LATS1: variants seen among roughly 807,000 people sequenced by gnomAD.
LATS1 encodes large tumor suppressor kinase 1.
LATS1 carries 25 observed loss-of-function variants against 106.6 expected under a neutral mutation model. The ratio of observed to expected loss-of-function variants is 0.23; its 90% CI spans 0.17 to 0.33. The LOEUF (loss-of-function observed/expected upper bound fraction) is 0.33. Among genes scored for constraint, LATS1 ranks in the 10% least tolerant of loss-of-function variants. The pLI is 1.00. For missense variants in LATS1, 1,040 were observed against 1,382.6 expected, an observed-to-expected ratio of 0.75 and a Z score of 3.93; for synonymous variants, 465 against 455.6, an observed-to-expected ratio of 1.02 and a Z score of -0.26.
At chr6:149,717,219 T>C (rs2115045262) in intron 1 of LATS1, among the ~76,000 whole-genome samples, 1 of 152,338 alleles carries the variant, frequency 6.6e-6, no homozygotes, top group Non-Finnish European at 1.5e-5. Context: ...TGGGGATAAA[T>C]CAAGTCATCT....
At chr6:149,687,015 C>A (rs139292762) in intron 3 of LATS1, among the ~76,000 whole-genome samples, 295 of 152,292 alleles carry the variant, frequency 1.9e-3, no homozygotes, top group African/African-American at 7.0e-3. Context: ...CAGACCACAA[C>A]TACTTCTTCT....
At chr6:149,690,666 C>T (rs1247608052) in intron 3 of LATS1, among the ~76,000 whole-genome samples, 1 of 152,056 alleles carries the variant, frequency 6.6e-6, no homozygotes, top group Non-Finnish European at 1.5e-5. Flanking sequence ...CCCAACTCAG[C>T]CTCCTGAGTA....
At chr6:149,712,031 T>C (rs1784133067) in intron 1 of LATS1, among the ~76,000 whole-genome samples, 1 of 152,112 alleles carries the variant, frequency 6.6e-6, no homozygotes, top group African/African-American at 2.4e-5. Flanking sequence ...CACAGGTCCC[T>C]GGACCAAGAG....
chr6:149,702,408 C>T (rs989493577), intron 1 of LATS1, 142 bp from the exon 2 acceptor site: 1 of 274,976 alleles, frequency 3.6e-6, no homozygotes, highest in African/African-American at 2.2e-5. Flanking sequence ...GGGTTCAGGA[C>T]AAGTTACTTA....
chr6:149,684,225 G>C lies in LATS1; in HGVS notation c.864C>G (p.Ile288Met). The C allele has an allele frequency of 6.2e-7, 1 of 1,614,174 alleles. No individual in the cohort carries two copies. The highest frequency in any genetic ancestry group is 8.5e-7 in the Non-Finnish European group (1 of 1,180,026). ...SGNMEYVISRISPVPPGAWQE... is the reference protein window; with the variant it reads ...SGNMEYVISRMSPVPPGAWQE... ...GCCATGCCCCAGGTGGGACAGGAGA[G>C]ATTCGGGAGATTACGTATTCCATGT... Residue 288 changes from isoleucine (I) to methionine (M), a missense_variant, in exon 4 of 8, where the codon ATC becomes ATG. Ile to Met is a conservative substitution (Grantham distance 10, BLOSUM62 1). Transcript: ENST00000543571.
chr6:149,702,735 G>C (rs192972469), intron 1 of LATS1, among the ~76,000 whole-genome samples: 7 of 151,962 alleles, frequency 4.6e-5, no homozygotes, highest in African/African-American at 1.7e-4. Flanking sequence ...GCAGTGGTGC[G>C]ATCTTGCCTC....
In LATS1 at chr6:149,683,841, A is replaced by G. The variant is rs1166901077; in HGVS notation, c.1248T>C (p.Ser416=). 3 of 1,614,076 alleles carry G rather than the reference A, an allele frequency of 1.9e-6. No homozygotes were observed. The highest frequency in any genetic ancestry group is 2.5e-6 in the Non-Finnish European group (3 of 1,180,030). The change falls in exon 4 of 8, where the codon AGT becomes AGC. Residue 416 remains serine (S), a synonymous_variant. Transcript: ENST00000543571. ...PQSMMVPNRN[S]HNMELYNISV... ...TAATGTTATATAGTTCCATGTTATG[A>G]CTATTTCTGTTTGGCACCATCATAG...
At chr6:149,685,502 C>T (rs1782322070) in intron 3 of LATS1, among the ~76,000 whole-genome samples, 1 of 152,146 alleles carries the variant, frequency 6.6e-6, no homozygotes, top group Non-Finnish European at 1.5e-5. Flanking sequence ...TCTCCTTCCT[C>T]AGCCTCCTGA....
chr6:149,691,306 C>G (rs1265618169), intron 3 of LATS1, among the ~76,000 whole-genome samples: 3 of 152,162 alleles, frequency 2.0e-5, no homozygotes, highest in Non-Finnish European at 4.4e-5. Flanking sequence ...CGGCCGCCAT[C>G]TGCAAGCCAA....
intron 7 of LATS1, among the ~76,000 whole-genome samples, chr6:149,667,167 T>G (rs1582841137): frequency 6.6e-6 from 1 of 150,988 alleles, no homozygotes; most frequent in Admixed American, 6.6e-5. Flanking sequence ...TGCACGGTGG[T>G]GTCACTCCTG....
At chr6:149,678,205 G>A (rs1379108722) in intron 5 of LATS1, among the ~76,000 whole-genome samples, 1 of 147,754 alleles carries the variant, frequency 6.8e-6, no homozygotes, top group African/African-American at 2.5e-5. Flanking sequence ...ATAGCCGGGC[G>A]TGGTTGCCGG....
rs1281502486 is a variant in LATS1, at chr6:149,684,266, T to C, written c.823A>G (p.Lys275Glu). 1 of 1,613,652 alleles carries C rather than the reference T, an allele frequency of 6.2e-7. No homozygotes were observed. Among genetic ancestry groups the C allele is most frequent in the East Asian group, 2.2e-5 (1 of 44,854 alleles). The change falls in exon 4 of 8, where the codon AAG becomes GAG. Residue 275 changes from lysine to glutamate, a missense_variant. Physicochemically the swap from Lys to Glu is moderately conservative, Grantham distance 56. This residue lies in a region of LATS1 where 624 missense variants were observed against 714.8 expected (regional missense o/e 0.87). Transcript: ENST00000543571. ...TATTCCATGTTTCCAGAATAGCGCT[T>C]TGTTTGAGAGTTTGGTTCCCATGAA... ...PPSWEPNSQT[K>E]RYSGNMEYVI...
rs201658758 is a variant in LATS1 at position 149,683,158 on chromosome 6, T to G, written c.1931A>C (p.Glu644Ala). Residue 644 changes from glutamate (E) to alanine (A), a missense_variant, in exon 4 of 8, where the codon GAG becomes GCG. By Grantham distance (107) the Glu-to-Ala change is moderately radical (BLOSUM62 -1). Around this residue, in one of 7 missense-constraint regions of LATS1, gnomAD observed 167 missense variants for 332.1 expected, o/e 0.50. Transcript: ENST00000543571. ...TTTGAGTACATTTTCTACATGTTGC[T>G]CCATAAAGAATTTAAATGCTTGAGG... ...YSPQAFKFFM[E>A]QHVENVLKSH... 6.2e-7 allele frequency: 1 copy of G among 1,613,344 alleles called. No individual in the cohort carries two copies. The highest frequency in any genetic ancestry group is 1.7e-5 in the Admixed American group (1 of 60,016).
At chr6:149,662,877 G>A (rs1442409038) in intron 7 of LATS1, among the ~76,000 whole-genome samples, 1 of 150,288 alleles carries the variant, frequency 6.7e-6, no homozygotes, top group Admixed American at 6.7e-5. Context: ...GAAGCAGAAG[G>A]ATTCCTGGAG....
intron 3 of LATS1, among the ~76,000 whole-genome samples, chr6:149,689,457 G>A (rs1288076143): frequency 6.7e-6 from 1 of 150,108 alleles, no homozygotes; most frequent in African/African-American, 2.4e-5. Flanking sequence ...CAATATTATC[G>A]ATCTTATTTT....
chr6:149,660,168 TTTC>T lies in LATS1; in HGVS notation c.*1558_*1560del, dbSNP rs1780834916. The T allele has an allele frequency of 4.3e-6, 1 of 232,708 alleles. No homozygotes were observed. Among genetic ancestry groups the T allele is most frequent in the South Asian group, 1.8e-4 (1 of 5,532 alleles). The allele number at this position is 232,708 out of a possible 1,614,324, so 14.4% of individuals were successfully genotyped here. On this transcript the variant is annotated 3_prime_UTR_variant, in exon 8 of 8. Coordinates refer to ENST00000543571, the MANE Select transcript of LATS1 (RefSeq NM_004690.4). ...ATTGTATGTGTATGTGTGGTTTTTT[TTTC>T]TAGGAAGAGTCCACAGCTTCCTTCA...
intron 1 of LATS1, 140 bp downstream of exon 1, chr6:149,717,709 G>C (rs1230798958): frequency 9.5e-6 from 2 of 209,646 alleles, no homozygotes; most frequent in East Asian, 1.9e-4. Context: ...AGCCAAGTCA[G>C]GCCCGGAGCG....
Position 149,682,965 on chromosome 6 carries a change from A to G in LATS1, c.2010+114T>C, listed in dbSNP as rs919578947. 6.4e-6 allele frequency: 5 copies of G among 778,994 alleles called. No individual in the cohort carries two copies. The Admixed American group carries it at 1.0e-4, about 16-fold the overall frequency. The allele number at this position is 778,994 out of a possible 1,614,324, so 48.3% of individuals were successfully genotyped here. On this transcript the variant is annotated intron_variant, in intron 4 of 7. Coordinates refer to ENST00000543571, the MANE Select transcript of LATS1 (RefSeq NM_004690.4). The stretch of plus-strand genomic sequence containing the variant: ...TTCACTTTTAAATTCCATAACTGAT[A>G]ATATATTTTATTTAGCTATAAAAAG...
At chr6:149,678,301 G>A (rs570407418) in intron 5 of LATS1, among the ~76,000 whole-genome samples, 6 of 151,562 alleles carry the variant, frequency 4.0e-5, no homozygotes, top group African/African-American at 7.3e-5. Context: ...CCGAGATTGC[G>A]CCACTGCACT....
Sources: allele counts gnomAD v4.1 joint callset (sites outside exome capture counted in the v4.1 genomes callset), GRCh38; gene constraint gnomAD v4.1.1; regional missense constraint gnomAD v4.1.1; transcripts MANE v1.5; gene names NCBI Gene and HGNC (gene_info 2026-07-23, HGNC 2026-07-21).